The following RAB37 variants were observed in gnomAD, a reference collection of about 807,000 sequenced individuals.
RAB37 encodes RAB37, member RAS oncogene family, also known as ras-related protein Rab-37.
In RAB37, 29 loss-of-function variants were observed where a neutral mutation model predicts 33.1. The observed-to-expected ratio is 0.88, with a 90% CI of 0.65 to 1.20. RAB37 has a LOEUF of 1.20. Ranked by LOEUF, RAB37 falls within the 50% of genes most tolerant of loss-of-function variation. RAB37 has a pLI of 0.00. For synonymous variants in RAB37, 128 were observed against 119.5 expected (o/e 1.07, Z -0.47); for missense variants, 299 against 301.1 (o/e 0.99, Z 0.05).
At chr17:74,717,357 G>A (rs1022024093) in intron 1 of RAB37, among the ~76,000 whole-genome samples, 2 of 152,146 alleles carry the variant, frequency 1.3e-5, no homozygotes, top group African/African-American at 4.8e-5. Flanking sequence ...AGAAAAATAG[G>A]CGTCTCCAAA....
chr17:74,716,378 TA>T (rs1463805704), intron 1 of RAB37, among the ~76,000 whole-genome samples: 2 of 152,202 alleles, frequency 1.3e-5, no homozygotes, highest in Non-Finnish European at 2.9e-5. Flanking sequence ...GGACTCTGTC[TA>T]GCACCTAAGA....
chr17:74,726,280 T>C lies in RAB37; in HGVS notation c.73-2976T>C, dbSNP rs371843347. On this transcript the variant is annotated intron_variant, in intron 1 of 7. Transcript: ENST00000340415. ...CATGACCAATATGAGAGGATCATCCTGCCCCACCCCGAGCCAAGGTTCAGC... is the reference window on the plus strand; with the variant it reads ...CATGACCAATATGAGAGGATCATCCCGCCCCACCCCGAGCCAAGGTTCAGC... Among the ~76,000 whole-genome samples, 70 of 148,918 alleles carry C rather than the reference T, an allele frequency of 4.7e-4. 2 individuals are homozygous for C. In the East Asian group the frequency reaches 0.013, roughly 27 times the overall value.
At position 74,744,901 on chromosome 17, in the gene RAB37, G is replaced by C. The variant is rs149486886; in HGVS notation, c.461G>C (p.Arg154Pro). The C allele has an allele frequency of 1.2e-6, 2 of 1,614,280 alleles. No individual in the cohort carries two copies. Among genetic ancestry groups the C allele is most frequent in the South Asian group, 1.1e-5 (1 of 91,092 alleles). The change falls in exon 7 of 9, where the codon CGT (arginine) becomes CCT (proline). Residue 154 changes from arginine (R) to proline (P), a missense_variant. Physicochemically the swap from Arg to Pro is moderately radical, Grantham distance 103. Coordinates refer to ENST00000392613, the MANE Select transcript of RAB37 (RefSeq NM_001006638.3). This position sits in a 1 kb window ranked among gnomAD's most constrained non-coding sequence, Gnocchi z 4.2. The part of the protein sequence containing the change: ...KADMSSERVI[R>P]SEDGETLARE... ...GATATGAGCAGCGAAAGAGTGATCC[G>C]TTCCGAAGACGGAGAGACCTTGGCC...
At chr17:74,710,160 G>C (rs535173433) in intron 1 of RAB37, among the ~76,000 whole-genome samples, 1 of 151,578 alleles carries the variant, frequency 6.6e-6, no homozygotes, top group African/African-American at 2.4e-5. Flanking sequence ...TTGTACTTTT[G>C]GTAGAGATGG....
At chr17:74,710,431 A>C (rs1287716551) in intron 1 of RAB37, among the ~76,000 whole-genome samples, 1 of 152,240 alleles carries the variant, frequency 6.6e-6, no homozygotes, top group African/African-American at 2.4e-5. Context: ...ACATGTAAAA[A>C]TCAATGGCTT....
In RAB37 at chr17:74,744,197, A is replaced by G; in HGVS notation, c.367-111A>G. On this transcript the variant is annotated intron_variant, in intron 5 of 8. Transcript: ENST00000392613. This position sits in a 1 kb window ranked among gnomAD's most constrained non-coding sequence, Gnocchi z 4.2. Reference sequence around the variant, plus strand: ...AACAAAGGTACAGATGAGAGAACGCACAGGGTATCGTGTTCAAGGTAGTGA... The same window carrying G: ...AACAAAGGTACAGATGAGAGAACGCGCAGGGTATCGTGTTCAAGGTAGTGA... 9.6e-7 allele frequency: 1 copy of G among 1,044,874 alleles called. No individual in the cohort carries two copies. The highest frequency in any genetic ancestry group is 2.4e-5 in the East Asian group (1 of 41,240). The allele number at this position is 1,044,874 out of a possible 1,614,324, so 64.7% of individuals were successfully genotyped here.
intron 1 of RAB37, chr17:74,704,509 A>G (rs1441239758): frequency 6.2e-7 from 1 of 1,613,942 alleles, no homozygotes; most frequent in East Asian, 2.2e-5. Context: ...CTGTGACCCC[A>G]AGGTCATTTC....
At chr17:74,712,867 C>T (rs1371271069) in intron 1 of RAB37, 2 of 1,614,050 alleles carry the variant, frequency 1.2e-6, no homozygotes, top group East Asian at 2.2e-5. Flanking sequence ...GCAGGGGCAT[C>T]TTCTCTTCAG....
intron 1 of RAB37, among the ~76,000 whole-genome samples, chr17:74,675,948 GA>G (rs2031822173): frequency 6.6e-6 from 1 of 152,110 alleles, no homozygotes; most frequent in Non-Finnish European, 1.5e-5. Context: ...CCACAAATCT[GA>G]AAATTTGGTG....
In RAB37 at chr17:74,744,488, C is replaced by A; in HGVS notation, c.432+115C>A. On this transcript the variant is annotated intron_variant, in intron 6 of 8. Coordinates refer to ENST00000392613, the MANE Select transcript of RAB37 (RefSeq NM_001006638.3). This position sits in a 1 kb window ranked among gnomAD's most constrained non-coding sequence, Gnocchi z 4.2. The stretch of plus-strand genomic sequence containing the variant: ...TCCTTCCTGAAAAGGACTCTGCAGC[C>A]TCCAGCTCAGGGGTCAGACATATCT... The A allele has an allele frequency of 1.0e-6, 1 of 994,830 alleles. No individual in the cohort carries two copies. The highest frequency in any genetic ancestry group is 1.6e-6 in the Non-Finnish European group (1 of 634,426). The allele number at this position is 994,830 out of a possible 1,614,324, so 61.6% of individuals were successfully genotyped here. A position where few individuals can be genotyped will look rare whatever the true frequency, so the allele number is the denominator to read the frequency against.
intron 1 of RAB37, among the ~76,000 whole-genome samples, chr17:74,704,055 G>A (rs548144914): frequency 9.3e-4 from 141 of 152,290 alleles, no homozygotes; most frequent in Non-Finnish European, 4.4e-4. Context: ...TATGGAATGG[G>A]AGATGGGAAC....
chr17:74,671,446 T>C lies in RAB37; in HGVS notation c.-141T>C. Reference sequence around the variant, plus strand: ...CCGCGCCGCGGCCGCTGCGGGGAACTGTCCAGTGCTGAAAACGGATGCGGC... The same window carrying C: ...CCGCGCCGCGGCCGCTGCGGGGAACCGTCCAGTGCTGAAAACGGATGCGGC... On this transcript the variant is annotated 5_prime_UTR_variant, in exon 1 of 8. Coordinates refer to the RAB37 transcript ENST00000340415. The surrounding 1 kb of genome is among the most constrained non-coding windows in gnomAD (Gnocchi z 5.0). 1.4e-6 allele frequency: 1 copy of C among 705,030 alleles called. No individual in the cohort carries two copies. The highest frequency in any genetic ancestry group is 1.8e-5 in the South Asian group (1 of 57,130). The allele number at this position is 705,030 out of a possible 1,614,324, so 43.7% of individuals were successfully genotyped here. A position where few individuals can be genotyped will look rare whatever the true frequency, so the allele number is the denominator to read the frequency against.
chr17:74,673,232 G>T (rs2031745188), intron 1 of RAB37, among the ~76,000 whole-genome samples: 1 of 151,754 alleles, frequency 6.6e-6, no homozygotes, highest in Non-Finnish European at 1.5e-5. Context: ...GGTAAAATCT[G>T]TCTCTACTAA....
Position 74,737,281 on chromosome 17 carries a change from C to A in RAB37, c.9C>A (p.Gly3=). 1.3e-6 allele frequency: 2 copies of A among 1,566,708 alleles called. No homozygotes were observed. The highest frequency in any genetic ancestry group is 1.7e-6 in the Non-Finnish European group (2 of 1,163,074). The change falls in exon 1 of 9, where the codon GGC becomes GGA. Residue 3 remains glycine, a synonymous_variant. Coordinates refer to ENST00000392613, the MANE Select transcript of RAB37 (RefSeq NM_001006638.3). MT[G]TPGAVATRDG... ...ACCTCTCGTCCAGGGACATGACGGG[C>A]ACGCCAGGCGCCGTTGCCACCCGGG...
chr17:74,725,731 C>T (rs568375213), intron 1 of RAB37, among the ~76,000 whole-genome samples: 1 of 151,900 alleles, frequency 6.6e-6, no homozygotes, highest in East Asian at 2.0e-4. Context: ...TCAAGGGATT[C>T]TCCTGCCTCA....
intron 1 of RAB37, among the ~76,000 whole-genome samples, chr17:74,723,709 G>A (rs1246116517): frequency 6.6e-6 from 1 of 151,480 alleles, no homozygotes; most frequent in Non-Finnish European, 1.5e-5. Flanking sequence ...CTCCTGAGTA[G>A]CTGGGACTAC....
intron 1 of RAB37, among the ~76,000 whole-genome samples, chr17:74,695,410 G>A (rs2032347314): frequency 6.6e-6 from 1 of 152,144 alleles, no homozygotes; most frequent in African/African-American, 2.4e-5. Context: ...AGCACCCTGA[G>A]CTTCAACCAC....
In RAB37 at chr17:74,746,716, C is replaced by T. The variant is rs2034768787; in HGVS notation, c.*1305C>T. On this transcript the variant is annotated 3_prime_UTR_variant, in exon 9 of 9. Transcript: ENST00000392613. This position sits in a 1 kb window ranked among gnomAD's most constrained non-coding sequence, Gnocchi z 5.2. The stretch of plus-strand genomic sequence containing the variant: ...CTGGTGGGAGACAAGATTAAGCAAA[C>T]CTCCCCTGACATGTATCCCTTTGAC... The T allele has an allele frequency of 6.6e-6, 1 of 152,168 alleles. No homozygotes were observed. The highest frequency in any genetic ancestry group is 2.4e-5 in the African/African-American group (1 of 41,424). 9.4% of individuals were successfully genotyped at this position (152,168 alleles called of 1,614,324 possible).
At chr17:74,736,922 C>T, upstream of RAB37, 1 of 1,501,736 alleles carries the variant, frequency 6.7e-7, no homozygotes, top group Admixed American at 2.2e-5. Flanking sequence ...GCAGCGACTA[C>T]GGGAACTCTT....
Sources: allele counts gnomAD v4.1 joint callset (sites outside exome capture counted in the v4.1 genomes callset), GRCh38; gene constraint gnomAD v4.1.1; non-coding constraint Gnocchi (gnomAD v3.1); transcripts MANE v1.5; gene names NCBI Gene and HGNC (gene_info 2026-07-23, HGNC 2026-07-21).